ZFAND3: variants seen among roughly 807,000 people sequenced by gnomAD.
ZFAND3 encodes zinc finger AN1-type containing 3, also known as AN1-type zinc finger protein 3.
Under a neutral mutation model 29.6 loss-of-function variants are expected in ZFAND3, and 10 were observed. That is an observed-to-expected ratio of 0.34 (90% CI 0.21 to 0.57). The LOEUF (loss-of-function observed/expected upper bound fraction) is 0.57, where lower values mean the gene tolerates loss of function less well. Among genes scored for constraint, ZFAND3 ranks in the 20% least tolerant of loss-of-function variants. The pLI is 0.86. For missense variants in ZFAND3, 230 were observed against 304.5 expected, an observed-to-expected ratio of 0.76 and a Z score of 1.82; for synonymous variants, 128 against 112.6, an observed-to-expected ratio of 1.14 and a Z score of -0.87.
At chr6:38,024,450 G>A (rs1415133614) in intron 2 of ZFAND3, among the ~76,000 whole-genome samples, 1 of 143,676 alleles carries the variant, frequency 7.0e-6, no homozygotes, top group Non-Finnish European at 1.5e-5. Context: ...CAGGCTGGGC[G>A]ACAGAGCGAG....
intron 1 of ZFAND3, among the ~76,000 whole-genome samples, chr6:37,821,865 GC>G (rs1763673446): frequency 6.6e-6 from 1 of 152,170 alleles, no homozygotes; most frequent in South Asian, 2.1e-4. Flanking sequence ...TCGGAGCCCT[GC>G]TCTGTTGCCC....
intron 4 of ZFAND3, among the ~76,000 whole-genome samples, chr6:38,096,989 T>G (rs1204228064): frequency 6.6e-6 from 1 of 152,224 alleles, no homozygotes; most frequent in Non-Finnish European, 1.5e-5. Context: ...TATCTTGGTC[T>G]TCTTCATGCT....
intron 5 of ZFAND3, chr6:38,143,266 G>A (rs1766000864): frequency 6.6e-6 from 1 of 152,258 alleles, no homozygotes; most frequent in Admixed American, 6.5e-5. Context: ...GACATCAACA[G>A]TGGTGAATTT....
intron 4 of ZFAND3, among the ~76,000 whole-genome samples, chr6:38,098,371 A>C (rs1167033163): frequency 6.6e-6 from 1 of 152,190 alleles, no homozygotes; most frequent in Non-Finnish European, 1.5e-5. Flanking sequence ...GCTGGTCTCC[A>C]ACTCCTGACC....
chr6:38,127,480 C>G (rs192194801), intron 5 of ZFAND3, among the ~76,000 whole-genome samples: 2 of 152,316 alleles, frequency 1.3e-5, no homozygotes, highest in East Asian at 1.9e-4. Context: ...AGCCTGCAAC[C>G]TGAGCTTAGC....
Position 38,153,257 on chromosome 6 carries a change from A to C in ZFAND3, c.*868A>C. 1 of 985,458 alleles carries C rather than the reference A, an allele frequency of 1.0e-6. No homozygotes were observed. The highest frequency in any genetic ancestry group is 1.2e-6 in the Non-Finnish European group (1 of 829,946). 61.0% of individuals were successfully genotyped at this position (985,458 alleles called of 1,614,324 possible). A position where few individuals can be genotyped will look rare whatever the true frequency, so the allele number is the denominator to read the frequency against. On this transcript the variant is annotated 3_prime_UTR_variant, in exon 6 of 6. Coordinates refer to ENST00000287218, the MANE Select transcript of ZFAND3 (RefSeq NM_021943.3). ...CACTGGCCTCTGCAGCCAGATTTCT[A>C]TATTGGGAGTTTTTTAAAAAGACAT...
intron 3 of ZFAND3, among the ~76,000 whole-genome samples, chr6:38,064,752 T>G (rs1764308932): frequency 6.6e-6 from 1 of 151,940 alleles, no homozygotes; most frequent in Non-Finnish European, 1.5e-5. Context: ...TTTCTCTCTC[T>G]TCTTGGTGAC....
chr6:37,896,554 C>CTTTCTTTCTTTCTTTCTTTCTTTG (rs1554153843), intron 1 of ZFAND3, among the ~76,000 whole-genome samples: 14 of 137,814 alleles, frequency 1.0e-4, no homozygotes, highest in African/African-American at 3.4e-4. Context: ...TTCTTTCTTT[C>CTTTCTTTCTTTCTTTCTTTCTTTG]TTTCTTTCTT....
rs140764054 is a variant in ZFAND3, at chr6:37,867,597, A to G, written c.71+47581A>G. Among the ~76,000 whole-genome samples the G allele has an allele frequency of 5.8e-3, 879 of 152,288 alleles. 3 individuals are homozygous for G. Among genetic ancestry groups the G allele is most frequent in the Non-Finnish European group, 0.01 (682 of 68,022 alleles). On this transcript the variant is annotated intron_variant, in intron 1 of 5. Transcript: ENST00000287218. ...TGTGGGTTTAAAAATTTTTCATTCC[A>G]CATTAGTGGTACTTGTCCAATTTTT...
At chr6:38,066,778 A>G (rs1170271196) in intron 3 of ZFAND3, among the ~76,000 whole-genome samples, 1 of 152,222 alleles carries the variant, frequency 6.6e-6, no homozygotes, top group African/African-American at 2.4e-5. Flanking sequence ...AGCAATAACT[A>G]TTGACAAAAG....
chr6:37,925,219 A>G (rs1761460990), intron 1 of ZFAND3, among the ~76,000 whole-genome samples: 1 of 152,210 alleles, frequency 6.6e-6, no homozygotes, highest in South Asian at 2.1e-4. Flanking sequence ...AAATCATTGT[A>G]TAGGGTCAAG....
intron 4 of ZFAND3, among the ~76,000 whole-genome samples, chr6:38,087,197 A>T (rs1764774359): frequency 6.6e-6 from 1 of 152,238 alleles, no homozygotes; most frequent in Non-Finnish European, 1.5e-5. Flanking sequence ...ATCAAAGTGG[A>T]TTAAAGACTT....
In ZFAND3 at chr6:37,954,761, A is replaced by T. The variant is rs1209663876; in HGVS notation, c.112+24762A>T. 5.3e-5 allele frequency among the ~76,000 whole-genome samples: 8 copies of T among 152,296 alleles called. No individual in the cohort carries two copies. In the East Asian group the frequency reaches 1.3e-3, roughly 26 times the overall value. ...GGATACAGTTAAGTTACTTGGAAAC[A>T]GTTTTATCTTTTGTGGTCTTGAATT... is the stretch of plus-strand genomic sequence containing the variant. On this transcript the variant is annotated intron_variant, in intron 2 of 5. Transcript: ENST00000287218.
intron 1 of ZFAND3, among the ~76,000 whole-genome samples, chr6:37,851,505 C>T (rs898166316): frequency 3.9e-5 from 5 of 128,858 alleles, no homozygotes; most frequent in Non-Finnish European, 8.3e-5. Context: ...TCTTGTTTAG[C>T]CCAGTCTCCC....
chr6:38,089,018 A>G (rs1057115313), intron 4 of ZFAND3, among the ~76,000 whole-genome samples: 37 of 152,178 alleles, frequency 2.4e-4, no homozygotes, highest in African/African-American at 8.7e-4. Flanking sequence ...TTTTCCTTTC[A>G]GTGTGACAAA....
intron 1 of ZFAND3, among the ~76,000 whole-genome samples, chr6:37,863,609 T>TG (rs35534215): frequency 4.4e-5 from 6 of 135,046 alleles, no homozygotes; most frequent in Non-Finnish European, 9.6e-5. Context: ...GTTTCACAGG[T>TG]TTTTTTTTTT....
At chr6:38,047,620 G>A (rs531009857) in intron 2 of ZFAND3, among the ~76,000 whole-genome samples, 4 of 152,260 alleles carry the variant, frequency 2.6e-5, no homozygotes, top group Admixed American at 1.3e-4. Flanking sequence ...GCTCAGCTAC[G>A]TGACTTCTTT....
intron 2 of ZFAND3, among the ~76,000 whole-genome samples, chr6:37,951,054 T>G (rs1761989204): frequency 1.3e-5 from 2 of 152,200 alleles, no homozygotes; most frequent in Non-Finnish European, 1.5e-5. Context: ...CAGCAGTGTT[T>G]TATAATTCTT....
intron 2 of ZFAND3, among the ~76,000 whole-genome samples, chr6:37,983,775 A>G (rs537504663): frequency 6.6e-6 from 1 of 152,266 alleles, no homozygotes; most frequent in East Asian, 1.9e-4. Flanking sequence ...GTACAGTAAC[A>G]TGCTTATACA....
Sources: allele counts gnomAD v4.1 joint callset (sites outside exome capture counted in the v4.1 genomes callset), GRCh38; gene constraint gnomAD v4.1.1; transcripts MANE v1.5; gene names NCBI Gene and HGNC (gene_info 2026-07-23, HGNC 2026-07-21).